The following GPC5 variants were observed in gnomAD, a reference collection of about 807,000 sequenced individuals.
GPC5 encodes glypican-5.
A neutral mutation model predicts 53.9 loss-of-function variants in GPC5; 47 were observed. That is an observed-to-expected ratio of 0.87 (90% CI 0.69 to 1.11). The LOEUF (loss-of-function observed/expected upper bound fraction) is 1.11. Ranked by LOEUF, GPC5 falls within the 50% of genes most tolerant of loss-of-function variation. The probability of loss-of-function intolerance (pLI) is 0.00; values close to 1 mark genes in which losing one functional copy is unlikely to be tolerated. For missense variants in GPC5, 748 were observed against 713.1 expected, an observed-to-expected ratio of 1.05 and a Z score of -0.56; for synonymous variants, 286 against 263.3, an observed-to-expected ratio of 1.09 and a Z score of -0.84.
At chr13:91,762,179 G>A (rs1324796645) in intron 5 of GPC5, among the ~76,000 whole-genome samples, 1 of 152,094 alleles carries the variant, frequency 6.6e-6, no homozygotes, top group African/African-American at 2.4e-5. Context: ...TCAACTGGTT[G>A]TGTGTGAGTT....
At chr13:92,392,265 G>T (rs983117956) in intron 7 of GPC5, among the ~76,000 whole-genome samples, 18 of 152,174 alleles carry the variant, frequency 1.2e-4, no homozygotes, top group Non-Finnish European at 1.2e-4. Context: ...GATGTCTATA[G>T]TTTGATGATA....
chr13:92,218,556 C>T (rs1041052017), intron 7 of GPC5, among the ~76,000 whole-genome samples: 1 of 152,142 alleles, frequency 6.6e-6, no homozygotes, highest in African/African-American at 2.4e-5. Flanking sequence ...CCCAGTTCAG[C>T]CCCTTTGTCC....
chr13:92,436,328 G>A (rs1382682215), intron 7 of GPC5, among the ~76,000 whole-genome samples: 1 of 152,018 alleles, frequency 6.6e-6, no homozygotes, highest in East Asian at 1.9e-4. Context: ...TACTGTTTCA[G>A]CTGTAACAGG....
intron 7 of GPC5, among the ~76,000 whole-genome samples, chr13:92,613,487 T>TATAATATATAATTTATATATAAA (rs1884552485): frequency 1.1e-5 from 1 of 89,136 alleles, no homozygotes; most frequent in Non-Finnish European, 2.1e-5. Context: ...TATATATAAA[T>TATAATATATAATTTATATATAAA]ATGTAATATA....
chr13:92,850,509 G>T (rs1245143578), intron 7 of GPC5, among the ~76,000 whole-genome samples: 1 of 152,090 alleles, frequency 6.6e-6, no homozygotes, highest in Admixed American at 6.5e-5. Flanking sequence ...TGAGACAGGA[G>T]AATCGCTGGA....
chr13:92,575,769 T>C (rs1387708817), intron 7 of GPC5, among the ~76,000 whole-genome samples: 1 of 152,196 alleles, frequency 6.6e-6, no homozygotes. Flanking sequence ...CAGTCTGCAA[T>C]GAAATTTTTA....
chr13:92,425,911 TA>T (rs1876811078), intron 7 of GPC5, among the ~76,000 whole-genome samples: 1 of 152,134 alleles, frequency 6.6e-6, no homozygotes, highest in South Asian at 2.1e-4. Context: ...TTTTTTCATC[TA>T]AAAATATTTC....
At chr13:92,674,011 G>T (rs1406554376) in intron 7 of GPC5, among the ~76,000 whole-genome samples, 2 of 152,084 alleles carry the variant, frequency 1.3e-5, no homozygotes. Context: ...CCAGAAGGTG[G>T]AACATAAACC....
chr13:92,710,893 AT>A (rs1888114740), intron 7 of GPC5, among the ~76,000 whole-genome samples: 2 of 152,242 alleles, frequency 1.3e-5, no homozygotes, highest in African/African-American at 4.8e-5. Context: ...TTTGTTGAAA[AT>A]ATAAGACTGA....
rs1879005171 is a variant in GPC5 at position 92,856,539 on chromosome 13, C to T, written c.1562-9743C>T. Among the ~76,000 whole-genome samples the T allele has an allele frequency of 2.6e-5, 4 of 151,982 alleles. No homozygotes were observed. In the South Asian group the frequency reaches 8.3e-4, roughly 32 times the overall value. On this transcript the variant is annotated intron_variant, in intron 7 of 7. Transcript: ENST00000377067. Reference sequence around the variant, plus strand: ...GTATCCAAATAGGAAATGAGGAAGTCAAATTATCTCTCTTTGCTGACAATA... The same window carrying T: ...GTATCCAAATAGGAAATGAGGAAGTTAAATTATCTCTCTTTGCTGACAATA...
intron 7 of GPC5, among the ~76,000 whole-genome samples, chr13:92,838,171 C>G (rs1313446509): frequency 6.6e-6 from 1 of 151,780 alleles, no homozygotes; most frequent in Non-Finnish European, 1.5e-5. Flanking sequence ...AGCTACCACC[C>G]TACTTTTAGC....
At chr13:91,977,175 TATG>T (rs1264746544) in intron 6 of GPC5, among the ~76,000 whole-genome samples, 1 of 152,152 alleles carries the variant, frequency 6.6e-6, no homozygotes, top group African/African-American at 2.4e-5. Context: ...CTGTTAAAAA[TATG>T]ATATGTAAAT....
At chr13:92,370,539 A>T (rs2043641707) in intron 7 of GPC5, among the ~76,000 whole-genome samples, 1 of 100,418 alleles carries the variant, frequency 1.0e-5, no homozygotes, top group African/African-American at 3.6e-5. Context: ...AGAAAAAAAA[A>T]ACAGCTTGTC....
intron 6 of GPC5, among the ~76,000 whole-genome samples, chr13:92,097,574 A>C (rs1366509539): frequency 2.0e-5 from 3 of 152,234 alleles, no homozygotes; most frequent in African/African-American, 7.2e-5. Context: ...GAAACTAAAA[A>C]TAGAGATAAG....
At chr13:92,719,238 C>T (rs1434855346) in intron 7 of GPC5, among the ~76,000 whole-genome samples, 4 of 150,290 alleles carry the variant, frequency 2.7e-5, no homozygotes, top group African/African-American at 9.8e-5. Flanking sequence ...GGTTATTTCT[C>T]AATATCTTAC....
At chr13:92,077,167 C>T (rs1001737753) in intron 6 of GPC5, among the ~76,000 whole-genome samples, 1 of 152,136 alleles carries the variant, frequency 6.6e-6, no homozygotes, top group African/African-American at 2.4e-5. Flanking sequence ...CTCATGCCTC[C>T]CTAAAATGTA....
chr13:91,991,087 C>T (rs964893893), intron 6 of GPC5, among the ~76,000 whole-genome samples: 3 of 152,092 alleles, frequency 2.0e-5, no homozygotes, highest in Non-Finnish European at 2.9e-5. Context: ...GGCACCAGCC[C>T]GAGGACACAT....
intron 1 of GPC5, among the ~76,000 whole-genome samples, chr13:91,437,779 G>A (rs571458540): frequency 5.3e-5 from 8 of 152,222 alleles, no homozygotes; most frequent in Admixed American, 1.3e-4. Context: ...CATTCTCCCC[G>A]TCACTTTCAG....
At position 91,990,924 on chromosome 13, in the gene GPC5, T is replaced by G. The variant is rs150225336; in HGVS notation, c.1401+82867T>G. ...ATGAATTAATTAGATCTCCCCCAAGTGTAGTTTACTTAATAAGAATTGTGT... is the reference window on the plus strand; with the variant it reads ...ATGAATTAATTAGATCTCCCCCAAGGGTAGTTTACTTAATAAGAATTGTGT... On this transcript the variant is annotated intron_variant, in intron 6 of 7. Transcript: ENST00000377067. Among the ~76,000 whole-genome samples, 539 of 152,346 alleles carry G rather than the reference T, an allele frequency of 3.5e-3. 6 individuals carry two copies. The highest frequency in any genetic ancestry group is 0.03 in the East Asian group (156 of 5,190).
Sources: allele counts gnomAD v4.1 joint callset (sites outside exome capture counted in the v4.1 genomes callset), GRCh38; gene constraint gnomAD v4.1.1; transcripts MANE v1.5; gene names NCBI Gene and HGNC (gene_info 2026-07-23, HGNC 2026-07-21).